Variants in CDS1 observed in about 807,000 individuals in gnomAD.
The protein encoded by CDS1 is CDP-diacylglycerol synthase 1, also known as phosphatidate cytidylyltransferase 1.
In CDS1, 41 loss-of-function variants were observed where a neutral mutation model predicts 62.1. The observed-to-expected ratio is 0.66, with a 90% CI of 0.51 to 0.86. The LOEUF is 0.86. Among genes scored for constraint, CDS1 ranks in the 40% least tolerant of loss-of-function variants. The probability of loss-of-function intolerance (pLI) is 0.00; values close to 1 mark genes in which losing one functional copy is unlikely to be tolerated. For missense variants in CDS1, 470 were observed against 550.1 expected, an observed-to-expected ratio of 0.85 and a Z score of 1.46; for synonymous variants, 185 against 192.6, an observed-to-expected ratio of 0.96 and a Z score of 0.32.
Position 84,631,813 on chromosome 4 carries a change from G to C in CDS1, c.581-6G>C. 6.2e-7 allele frequency: 1 copy of C among 1,611,462 alleles called. No homozygotes were observed. The highest frequency in any genetic ancestry group is 8.5e-7 in the Non-Finnish European group (1 of 1,177,878). On this transcript the variant is annotated splice_region_variant and splice_polypyrimidine_tract_variant and intron_variant, in intron 5 of 12. Transcript: ENST00000295887. ...CAACGAGCACATGTTTTTTGTTCTT[G>C]AACAGGTTTCTGCATGTTTGTACTG... is the stretch of plus-strand genomic sequence containing the variant.
intron 1 of CDS1, among the ~76,000 whole-genome samples, chr4:84,591,219 C>T (rs1303022385): frequency 6.6e-6 from 1 of 152,148 alleles, no homozygotes; most frequent in Non-Finnish European, 1.5e-5. Flanking sequence ...CACATTTCTT[C>T]CCAGATAACA....
At chr4:84,623,522 C>T (rs532631362) in intron 5 of CDS1, among the ~76,000 whole-genome samples, 21 of 152,274 alleles carry the variant, frequency 1.4e-4, no homozygotes, top group Non-Finnish European at 2.8e-4. Flanking sequence ...TGTTTTCTAG[C>T]TTCCAAATTT....
intron 2 of CDS1, 40 bp downstream of exon 2, chr4:84,604,410 A>T: frequency 6.3e-7 from 1 of 1,598,700 alleles, no homozygotes; most frequent in Non-Finnish European, 8.5e-7. Flanking sequence ...AGTGCACAAG[A>T]TAGGCTTTGA....
chr4:84,639,810 T>C (rs1049214010), intron 9 of CDS1, among the ~76,000 whole-genome samples: 3 of 152,282 alleles, frequency 2.0e-5, no homozygotes, highest in African/African-American at 7.2e-5. Context: ...TTTATAAATT[T>C]AGTTCATTTG....
intron 1 of CDS1, among the ~76,000 whole-genome samples, chr4:84,586,275 G>A (rs1376765431): frequency 1.3e-5 from 2 of 152,070 alleles, no homozygotes; most frequent in Non-Finnish European, 2.9e-5. Flanking sequence ...TACATTTATT[G>A]TGCACTTTAT....
chr4:84,622,940 T>C (rs933164429), intron 5 of CDS1, among the ~76,000 whole-genome samples: 1 of 152,232 alleles, frequency 6.6e-6, no homozygotes, highest in African/African-American at 2.4e-5. Flanking sequence ...TACAACTTTT[T>C]GTTTTTCCCG....
At chr4:84,589,680 G>A (rs1182834032) in intron 1 of CDS1, among the ~76,000 whole-genome samples, 1 of 152,214 alleles carries the variant, frequency 6.6e-6, no homozygotes, top group East Asian at 1.9e-4. Context: ...CAGCCAGGTG[G>A]TAAGACAGAG....
chr4:84,643,394 G>A (rs1724454376), intron 11 of CDS1, among the ~76,000 whole-genome samples: 1 of 152,158 alleles, frequency 6.6e-6, no homozygotes. Context: ...GTGTCCTTTA[G>A]TGTTGGAATA....
chr4:84,586,971 G>T (rs545182479), intron 1 of CDS1, among the ~76,000 whole-genome samples: 1 of 152,260 alleles, frequency 6.6e-6, no homozygotes, highest in East Asian at 1.9e-4. Context: ...CTAGGAAAAA[G>T]AAAGCAAACA....
At chr4:84,647,072 T>C (rs1233148622) in intron 12 of CDS1, among the ~76,000 whole-genome samples, 2 of 152,164 alleles carry the variant, frequency 1.3e-5, no homozygotes, top group African/African-American at 4.8e-5. Flanking sequence ...AAAATAGCAA[T>C]ATCAGCTTTC....
At chr4:84,605,007 T>A (rs1019640090) in intron 2 of CDS1, among the ~76,000 whole-genome samples, 6 of 152,228 alleles carry the variant, frequency 3.9e-5, no homozygotes, top group Non-Finnish European at 8.8e-5. Context: ...CATTTAAAAA[T>A]GTGTGATGAC....
At chr4:84,625,164 T>C (rs933984755) in intron 5 of CDS1, among the ~76,000 whole-genome samples, 1 of 152,164 alleles carries the variant, frequency 6.6e-6, no homozygotes, top group African/African-American at 2.4e-5. Context: ...TCTGGCCTGG[T>C]ATTTCTTCAT....
chr4:84,621,878 G>A (rs1285594394), intron 5 of CDS1, among the ~76,000 whole-genome samples: 2 of 152,168 alleles, frequency 1.3e-5, no homozygotes, highest in African/African-American at 4.8e-5. Context: ...ATGGTAGTTG[G>A]TCCATTTTAA....
intron 3 of CDS1, among the ~76,000 whole-genome samples, chr4:84,617,257 T>C (rs1723525835): frequency 6.6e-6 from 1 of 152,220 alleles, no homozygotes; most frequent in Non-Finnish European, 1.5e-5. Context: ...GAAGTAGTAA[T>C]GAGGGATAAA....
At chr4:84,633,202 TAA>T (rs1246831216) in intron 6 of CDS1, among the ~76,000 whole-genome samples, 1 of 152,192 alleles carries the variant, frequency 6.6e-6, no homozygotes, top group African/African-American at 2.4e-5. Context: ...ATCAAAATCA[TAA>T]GACTCGTACA....
chr4:84,624,189 G>C (rs1439601439), intron 5 of CDS1, among the ~76,000 whole-genome samples: 1 of 150,464 alleles, frequency 6.6e-6, no homozygotes, highest in African/African-American at 2.4e-5. Context: ...CGGGAGAATG[G>C]CATGAACCTG....
intron 7 of CDS1, 128 bp downstream of exon 7, chr4:84,634,067 A>G (rs541710285): frequency 5.5e-5 from 25 of 455,444 alleles, no homozygotes; most frequent in Admixed American, 2.1e-4. Context: ...CCATTAAACT[A>G]TCTTACTGAG....
chr4:84,642,007 ATT>A (rs1467466319), intron 10 of CDS1, among the ~76,000 whole-genome samples: 1 of 152,140 alleles, frequency 6.6e-6, no homozygotes, highest in Non-Finnish European at 1.5e-5. Flanking sequence ...GAGCAAGGCT[ATT>A]TATTGCTTTG....
chr4:84,630,240 T>C (rs1467484602), intron 5 of CDS1, among the ~76,000 whole-genome samples: 1 of 152,136 alleles, frequency 6.6e-6, no homozygotes, highest in Non-Finnish European at 1.5e-5. Flanking sequence ...CATGTTTTAG[T>C]ATCTCTCTCT....
Sources: allele counts gnomAD v4.1 joint callset (sites outside exome capture counted in the v4.1 genomes callset), GRCh38; gene constraint gnomAD v4.1.1; transcripts MANE v1.5; gene names NCBI Gene and HGNC (gene_info 2026-07-23, HGNC 2026-07-21).